The following THSD7B variants were observed in gnomAD, a reference collection of about 807,000 sequenced individuals.
THSD7B encodes the protein thrombospondin type-1 domain-containing protein 7B.
THSD7B carries 138 observed loss-of-function variants against 213.6 expected under a neutral mutation model. The observed-to-expected ratio is 0.65, with a 90% CI of 0.56 to 0.74. The LOEUF (loss-of-function observed/expected upper bound fraction) is 0.74. THSD7B is among the 30% of genes least tolerant of loss of function. The pLI is 0.00. For synonymous variants in THSD7B, 742 were observed against 687.0 expected, an observed-to-expected ratio of 1.08 and a Z score of -1.25; for missense variants, 1,931 against 1,991.5, an observed-to-expected ratio of 0.97 and a Z score of 0.58.
chr2:137,584,798 T>G (rs1365166756), intron 17 of THSD7B, among the ~76,000 whole-genome samples: 1 of 152,144 alleles, frequency 6.6e-6, no homozygotes, highest in African/African-American at 2.4e-5. Flanking sequence ...TAAAATTCTC[T>G]TTTTTTGTTG....
rs149886852 is a variant in THSD7B, at chr2:136,922,777, C to A, written c.139+40460C>A. 6.6e-5 allele frequency among the ~76,000 whole-genome samples: 10 copies of A among 152,294 alleles called. No homozygotes were observed. In the East Asian group the frequency reaches 1.9e-3, roughly 29 times the overall value. On this transcript the variant is annotated intron_variant, in intron 2 of 27. Transcript: ENST00000409968. ...CTCTGTTGCAGTCAAGCTAACTATACCACTTTTCTATCAAAACAGGAAAGC... is the reference window on the plus strand; with the variant it reads ...CTCTGTTGCAGTCAAGCTAACTATAACACTTTTCTATCAAAACAGGAAAGC...
intron 24 of THSD7B, among the ~76,000 whole-genome samples, chr2:137,657,654 A>T (rs1483702565): frequency 6.6e-6 from 1 of 152,238 alleles, no homozygotes; most frequent in South Asian, 2.1e-4. Context: ...TTCATGTACT[A>T]GCAGCTTAGT....
Position 137,056,950 on chromosome 2 carries a change from A to G in THSD7B, c.670A>G (p.Arg224Gly). ...GCAATGTCCAAATCTGACTGAGTCA[A>G]GAGCCTGTGATGCTCCCATTTCCTG... ...GLQCPNLTES[R>G]ACDAPISCPL... Residue 224 changes from arginine (R) to glycine (G), a missense_variant, in exon 3 of 28, where the codon AGA becomes GGA. Transcript: ENST00000409968. The G allele has an allele frequency of 6.2e-7, 1 of 1,613,992 alleles. No homozygotes were observed. The highest frequency in any genetic ancestry group is 8.5e-7 in the Non-Finnish European group (1 of 1,179,880).
At chr2:137,268,415 G>A (rs995228394) in intron 10 of THSD7B, among the ~76,000 whole-genome samples, 1 of 148,878 alleles carries the variant, frequency 6.7e-6, no homozygotes, top group African/African-American at 2.5e-5. Context: ...TTGGTTTTCT[G>A]TCCTTGTGAT....
chr2:137,386,999 C>G (rs564153564), intron 12 of THSD7B, among the ~76,000 whole-genome samples: 2 of 152,124 alleles, frequency 1.3e-5, no homozygotes, highest in Admixed American at 6.6e-5. Flanking sequence ...TTTCATGCTG[C>G]TAGAATTGAA....
At chr2:137,174,465 A>T (rs1328310528) in intron 7 of THSD7B, among the ~76,000 whole-genome samples, 5 of 152,176 alleles carry the variant, frequency 3.3e-5, no homozygotes, top group Non-Finnish European at 7.4e-5. Flanking sequence ...GCAATTTCTG[A>T]TGTGCCTAAA....
chr2:137,115,126 A>G lies in THSD7B; in HGVS notation c.1202A>G (p.Tyr401Cys), dbSNP rs747634010. ...EGELLQQCPRYSWRTSEWKEC... is the reference protein window; with the variant it reads ...EGELLQQCPRCSWRTSEWKEC... ...TTTAAATAAACCAAACCAAACAGGT[A>G]TTCCTGGAGAACTTCTGAATGGAAA... is the stretch of plus-strand genomic sequence containing the variant. The change falls in exon 5 of 28, where the codon TAT (tyrosine) becomes TGT (cysteine). Residue 401 changes from tyrosine to cysteine, a missense_variant and splice_region_variant. Tyr to Cys is a radical substitution (Grantham distance 194). Coordinates refer to ENST00000409968, the MANE Select transcript of THSD7B (RefSeq NM_001316349.2). The G allele has an allele frequency of 6.2e-7, 1 of 1,614,004 alleles. No homozygotes were observed. The highest frequency in any genetic ancestry group is 8.5e-7 in the Non-Finnish European group (1 of 1,179,892).
intron 2 of THSD7B, among the ~76,000 whole-genome samples, chr2:136,912,444 A>G (rs1558849428): frequency 6.6e-6 from 1 of 151,192 alleles, no homozygotes; most frequent in Non-Finnish European, 1.5e-5. Flanking sequence ...ACACAGTGGT[A>G]TGTGTGCTTT....
At chr2:137,058,926 AT>A (rs1280431213) in intron 3 of THSD7B, among the ~76,000 whole-genome samples, 3 of 152,090 alleles carry the variant, frequency 2.0e-5, no homozygotes, top group African/African-American at 7.2e-5. Flanking sequence ...TGAGAAATAG[AT>A]TTCTGTTGTT....
intron 12 of THSD7B, among the ~76,000 whole-genome samples, chr2:137,327,526 C>T (rs1684398705): frequency 6.6e-6 from 1 of 151,984 alleles, no homozygotes; most frequent in Non-Finnish European, 1.5e-5. Flanking sequence ...CTCTATCTTC[C>T]CATTTACTCT....
intron 12 of THSD7B, among the ~76,000 whole-genome samples, chr2:137,290,103 G>A (rs1175563387): frequency 1.3e-4 from 20 of 148,194 alleles, no homozygotes; most frequent in African/African-American, 4.9e-4. Flanking sequence ...CAGCCCCAAA[G>A]AGTTTTCTTT....
At chr2:137,582,184 G>T (rs141773207) in intron 17 of THSD7B, among the ~76,000 whole-genome samples, 3 of 152,152 alleles carry the variant, frequency 2.0e-5, no homozygotes, top group East Asian at 3.9e-4. Flanking sequence ...GGTTCAGGAC[G>T]TTCTGGTTCA....
chr2:137,412,765 T>C (rs191437752), intron 14 of THSD7B, among the ~76,000 whole-genome samples: 29 of 151,962 alleles, frequency 1.9e-4, no homozygotes, highest in African/African-American at 6.7e-4. Flanking sequence ...TTGGGAGAAT[T>C]TGAAAGATCT....
At chr2:136,780,539 A>G (rs1681722774) in intron 1 of THSD7B, among the ~76,000 whole-genome samples, 1 of 152,142 alleles carries the variant, frequency 6.6e-6, no homozygotes, top group Non-Finnish European at 1.5e-5. Context: ...CCTTTATGCA[A>G]GGAGAGCAGA....
chr2:136,770,829 T>G (rs192073114), intron 1 of THSD7B, among the ~76,000 whole-genome samples: 276 of 152,334 alleles, frequency 1.8e-3, no homozygotes, highest in African/African-American at 6.5e-3. Flanking sequence ...CACTTAAATA[T>G]TGTTATCTTT....
chr2:137,560,447 CA>C (rs1447405913), intron 15 of THSD7B, among the ~76,000 whole-genome samples: 3 of 152,058 alleles, frequency 2.0e-5, no homozygotes, highest in Admixed American at 6.6e-5. Context: ...TCATTCTCAG[CA>C]AACTATCTCA....
rs147251712 is a variant in THSD7B, at chr2:137,498,891, T to A, written c.3138+47868T>A. Reference sequence around the variant, plus strand: ...CTCCCCACTTTTTTCAGGAATCTCATGGAGACCTTTGGAAGATCAGAGGCA... The same window carrying A: ...CTCCCCACTTTTTTCAGGAATCTCAAGGAGACCTTTGGAAGATCAGAGGCA... On this transcript the variant is annotated intron_variant, in intron 15 of 27. Transcript: ENST00000409968. 2.1e-3 allele frequency among the ~76,000 whole-genome samples: 313 copies of A among 152,272 alleles called. 1 individual carries two copies. The highest frequency in any genetic ancestry group is 3.7e-3 in the Non-Finnish European group (250 of 68,030).
intron 15 of THSD7B, chr2:137,538,618 T>G: frequency 2.6e-6 from 1 of 392,134 alleles, no homozygotes; most frequent in Non-Finnish European, 4.9e-6. Context: ...TGTTCACATA[T>G]GACAGAAAAA....
At position 136,930,226 on chromosome 2, in the gene THSD7B, T is replaced by C. The variant is rs1187804433; in HGVS notation, c.139+47909T>C. On this transcript the variant is annotated intron_variant, in intron 2 of 27. Transcript: ENST00000409968. ...CAAGGAAGGGAGAGATCAGTATGAG[T>C]TGCATATAAAAATAGGACAGAATTG... is the stretch of plus-strand genomic sequence containing the variant. Among the ~76,000 whole-genome samples, 8 of 152,146 alleles carry C rather than the reference T, an allele frequency of 5.3e-5. No homozygotes were observed. The East Asian group carries it at 1.5e-3, about 29-fold the overall frequency.
Sources: gnomAD v4.1 joint callset for allele counts (sites outside exome capture counted in the v4.1 genomes callset) on GRCh38, gnomAD v4.1.1 for gene constraint, MANE v1.5 for transcripts, NCBI Gene and HGNC (gene_info 2026-07-23, HGNC 2026-07-21) for gene names.